The following SOX5 variants were observed in gnomAD, a reference collection of about 807,000 sequenced individuals.
SOX5 encodes SRY-box transcription factor 5, also known as transcription factor SOX-5.
Under a neutral mutation model 92.0 loss-of-function variants are expected in SOX5, and 9 were observed. The ratio of observed to expected loss-of-function variants is 0.10; its 90% CI spans 0.06 to 0.17. The LOEUF (loss-of-function observed/expected upper bound fraction) is 0.17. Ranked by LOEUF, SOX5 falls within the 10% of genes least tolerant of loss-of-function variation. The pLI is 1.00. For synonymous variants in SOX5, 344 were observed against 336.3 expected, an observed-to-expected ratio of 1.02 and a Z score of -0.25; for missense variants, 642 against 944.5, an observed-to-expected ratio of 0.68 and a Z score of 4.20.
chr12:23,897,172 G>A (rs1038144010), intron 1 of SOX5, among the ~76,000 whole-genome samples: 9 of 152,034 alleles, frequency 5.9e-5, no homozygotes, highest in Admixed American at 4.6e-4. Flanking sequence ...CCAGTGAGAT[G>A]GGAGGCAGGG....
intron 4 of SOX5, among the ~76,000 whole-genome samples, chr12:24,036,611 T>A (rs573573505): frequency 9.9e-5 from 15 of 152,258 alleles, no homozygotes; most frequent in Admixed American, 8.5e-4. Context: ...TTGACATCAA[T>A]TCTCAGTCCC....
At chr12:24,550,255 G>T (rs1342644865) in intron 1 of SOX5, among the ~76,000 whole-genome samples, 1 of 152,128 alleles carries the variant, frequency 6.6e-6, no homozygotes, top group Non-Finnish European at 1.5e-5. Flanking sequence ...AGTGAGACAG[G>T]AGCAGGGGCG....
At chr12:23,749,353 T>G (rs1351489141) in intron 4 of SOX5, among the ~76,000 whole-genome samples, 1 of 151,952 alleles carries the variant, frequency 6.6e-6, no homozygotes, top group African/African-American at 2.4e-5. Context: ...ACCCTAATAC[T>G]ATAAGTATTC....
At chr12:23,726,159 G>GAA (rs2093114749) in intron 6 of SOX5, among the ~76,000 whole-genome samples, 1 of 52,280 alleles carries the variant, frequency 1.9e-5, no homozygotes, top group Admixed American at 2.2e-4. Context: ...GAGAGAGAGA[G>GAA]AGAGAGAGAG....
chr12:24,306,328 T>C (rs1406070732), intron 2 of SOX5, among the ~76,000 whole-genome samples: 3 of 152,178 alleles, frequency 2.0e-5, no homozygotes, highest in African/African-American at 4.8e-5. Flanking sequence ...GTTTTTAGAA[T>C]GCCAGCAGCA....
intron 6 of SOX5, among the ~76,000 whole-genome samples, chr12:23,714,448 C>A (rs1164816544): frequency 2.6e-5 from 4 of 152,018 alleles, no homozygotes; most frequent in Non-Finnish European, 4.4e-5. Context: ...ATGGCGAAAC[C>A]CTGTCTCTAT....
At chr12:23,774,071 A>G (rs1295927564) in intron 3 of SOX5, among the ~76,000 whole-genome samples, 1 of 152,142 alleles carries the variant, frequency 6.6e-6, no homozygotes, top group Non-Finnish European at 1.5e-5. Context: ...GAGAAAAAGG[A>G]AGACAAAAAG....
At chr12:23,851,996 A>G in intron 2 of SOX5, among the ~76,000 whole-genome samples, 1 of 152,184 alleles carries the variant, frequency 6.6e-6, no homozygotes, top group East Asian at 1.9e-4. Flanking sequence ...GGCCTAATCT[A>G]GACCACTTAC....
Position 23,733,968 on chromosome 12 carries a change from A to T in SOX5, c.810+716T>A, listed in dbSNP as rs530792496. Reference sequence around the variant, plus strand: ...TTATCCATGATTTCTTTTAACCCTCAAAAATCTCTCTATGAAGTAAGTGCT... The same window carrying T: ...TTATCCATGATTTCTTTTAACCCTCTAAAATCTCTCTATGAAGTAAGTGCT... On this transcript the variant is annotated intron_variant, in intron 6 of 14. Transcript: ENST00000451604. Among the ~76,000 whole-genome samples, 6 of 152,276 alleles carry T rather than the reference A, an allele frequency of 3.9e-5. No homozygotes were observed. The South Asian group carries it at 1.2e-3, about 32-fold the overall frequency.
intron 6 of SOX5, among the ~76,000 whole-genome samples, chr12:23,676,897 G>A (rs1045261472): frequency 6.6e-6 from 1 of 152,176 alleles, no homozygotes; most frequent in African/African-American, 2.4e-5. Flanking sequence ...TAAGCTGCCT[G>A]AAGAGTAAGG....
intron 1 of SOX5, among the ~76,000 whole-genome samples, chr12:24,441,146 G>C (rs1301794403): frequency 1.3e-5 from 2 of 152,122 alleles, no homozygotes; most frequent in East Asian, 3.9e-4. Context: ...TTGATCAGAA[G>C]GAACAATAAT....
chr12:24,533,873 A>C (rs1951402885), intron 1 of SOX5, among the ~76,000 whole-genome samples: 2 of 152,198 alleles, frequency 1.3e-5, no homozygotes, highest in Non-Finnish European at 2.9e-5. Context: ...GTTCTGACTA[A>C]GCAGACACAG....
At position 23,602,953 on chromosome 12, in the gene SOX5, C is replaced by T. The variant is rs2074698693; in HGVS notation, c.1164+1434G>A. Among the ~76,000 whole-genome samples, 4 of 152,068 alleles carry T rather than the reference C, an allele frequency of 2.6e-5. No individual in the cohort carries two copies. The South Asian group carries it at 8.3e-4, about 31-fold the overall frequency. ...CACAGAAGATGCACAGTCCATTAAA[C>T]AACTGAAATAGATCTTCAAAGTGGC... On this transcript the variant is annotated intron_variant, in intron 9 of 14. Coordinates refer to ENST00000451604, the MANE Select transcript of SOX5 (RefSeq NM_006940.6).
At chr12:24,159,054 T>C (rs993461795) in intron 4 of SOX5, among the ~76,000 whole-genome samples, 11 of 151,952 alleles carry the variant, frequency 7.2e-5, no homozygotes, top group African/African-American at 2.2e-4. Flanking sequence ...AGTGATATGA[T>C]GTGTGTTGGC....
chr12:24,362,388 T>TA (rs1301740941), intron 2 of SOX5, among the ~76,000 whole-genome samples: 5 of 152,224 alleles, frequency 3.3e-5, no homozygotes, highest in Non-Finnish European at 5.9e-5. Context: ...TGCAAGACAG[T>TA]AACCTCTAGG....
chr12:24,291,513 T>C (rs531142137), intron 2 of SOX5, among the ~76,000 whole-genome samples: 1 of 152,350 alleles, frequency 6.6e-6, no homozygotes, highest in African/African-American at 2.4e-5. Flanking sequence ...TGCTGTAGAA[T>C]AGAAATGAAG....
intron 4 of SOX5, among the ~76,000 whole-genome samples, chr12:24,096,677 G>C (rs1434057171): frequency 6.6e-6 from 1 of 152,020 alleles, no homozygotes; most frequent in Non-Finnish European, 1.5e-5. Flanking sequence ...ATATTACACT[G>C]TATGTACAGA....
intron 2 of SOX5, among the ~76,000 whole-genome samples, chr12:23,853,543 G>GTTT (rs67299596): frequency 0.036 from 4,708 of 128,988 alleles, 90 homozygotes; most frequent in Middle Eastern, 0.049. Flanking sequence ...TGTCTAACGT[G>GTTT]TTTTTTTTTT....
intron 11 of SOX5, among the ~76,000 whole-genome samples, chr12:23,563,008 C>A (rs1016627304): frequency 2.6e-5 from 4 of 152,112 alleles, no homozygotes; most frequent in Admixed American, 2.0e-4. Flanking sequence ...TGTTTTAATA[C>A]AAGCTGGTGG....
Sources: gnomAD v4.1 joint callset for allele counts (sites outside exome capture counted in the v4.1 genomes callset) on GRCh38, gnomAD v4.1.1 for gene constraint, MANE v1.5 for transcripts, NCBI Gene and HGNC (gene_info 2026-07-23, HGNC 2026-07-21) for gene names.